Variants in AGO2 observed in about 807,000 individuals in gnomAD.
The protein encoded by AGO2 is argonaute RISC catalytic component 2, also known as protein argonaute-2.
In AGO2, 5 loss-of-function variants were observed where a neutral mutation model predicts 102.3. The observed-to-expected ratio is 0.05, with a 90% CI of 0.03 to 0.10. The LOEUF (loss-of-function observed/expected upper bound fraction) is 0.10, where lower values mean the gene tolerates loss of function less well. AGO2 is among the 10% of genes least tolerant of loss of function. AGO2 has a pLI of 1.00. For synonymous variants in AGO2, 449 were observed against 473.1 expected (o/e 0.95, Z 0.66); for missense variants, 541 against 1,183.7 (o/e 0.46, Z 7.97).
chr8:140,635,980 G>A (rs1054382897), upstream of AGO2, among the ~76,000 whole-genome samples: 12 of 150,328 alleles, frequency 8.0e-5, no homozygotes, highest in African/African-American at 2.9e-4. Flanking sequence ...GAGAAGCCGC[G>A]TCTTCCCGAC....
In AGO2 at chr8:140,597,329, G is replaced by GCGCAT. The variant is rs566287751; in HGVS notation, c.23-12019_23-12018insATGCG. 1.8e-4 allele frequency among the ~76,000 whole-genome samples: 27 copies of GCGCAT among 152,364 alleles called. No individual in the cohort carries two copies. The East Asian group carries it at 5.2e-3, about 29-fold the overall frequency. On this transcript the variant is annotated intron_variant, in intron 1 of 18. Transcript: ENST00000220592. The stretch of plus-strand genomic sequence containing the variant: ...TCCCAGCCTCTCCAGTGCCAACGCA[G>GCGCAT]CGCAGCACGGATGCAGGGCAGCGTG...
chr8:140,586,729 G>A (rs948462497), intron 1 of AGO2, among the ~76,000 whole-genome samples: 4 of 152,168 alleles, frequency 2.6e-5, no homozygotes, highest in Non-Finnish European at 5.9e-5. Flanking sequence ...TTCTCTCTAC[G>A]CCACACCGGA....
At chr8:140,595,938 AAT>A (rs1564107074) in intron 1 of AGO2, among the ~76,000 whole-genome samples, 2 of 72,000 alleles carry the variant, frequency 2.8e-5, no homozygotes, top group Admixed American at 2.3e-4. Flanking sequence ...TAAATTATAT[AAT>A]ATATATTTTA....
chr8:140,596,252 T>C (rs1246065099), intron 1 of AGO2, among the ~76,000 whole-genome samples: 2 of 152,126 alleles, frequency 1.3e-5, no homozygotes, highest in African/African-American at 4.8e-5. Context: ...ATTGGATACA[T>C]CATTCTATTT....
chr8:140,610,502 G>A (rs1044267487), intron 1 of AGO2, among the ~76,000 whole-genome samples: 1 of 152,108 alleles, frequency 6.6e-6, no homozygotes, highest in African/African-American at 2.4e-5. Flanking sequence ...TACAGGCGTG[G>A]GCCACCGTGC....
chr8:140,580,746 T>C (rs2073544569), intron 2 of AGO2, among the ~76,000 whole-genome samples: 1 of 152,220 alleles, frequency 6.6e-6, no homozygotes, highest in South Asian at 2.1e-4. Flanking sequence ...CACAAACATT[T>C]TACTTCTGAC....
intron 1 of AGO2, among the ~76,000 whole-genome samples, chr8:140,601,020 C>T (rs2073925466): frequency 6.6e-6 from 1 of 152,232 alleles, no homozygotes; most frequent in Non-Finnish European, 1.5e-5. Context: ...TCATCTTCTC[C>T]CAGCTGGATC....
At chr8:140,626,025 C>T (rs2074272389) in intron 1 of AGO2, among the ~76,000 whole-genome samples, 1 of 152,264 alleles carries the variant, frequency 6.6e-6, no homozygotes, top group Non-Finnish European at 1.5e-5. Context: ...CCCCCTGCCC[C>T]AGTCACCAAT....
intron 2 of AGO2, among the ~76,000 whole-genome samples, chr8:140,573,344 T>C (rs1266426669): frequency 6.7e-6 from 1 of 150,346 alleles, no homozygotes; most frequent in Admixed American, 6.6e-5. Context: ...TAATTTTTTG[T>C]ATTTTTTTTT....
At chr8:140,601,375 T>C (rs1429035573) in intron 1 of AGO2, among the ~76,000 whole-genome samples, 1 of 152,158 alleles carries the variant, frequency 6.6e-6, no homozygotes, top group African/African-American at 2.4e-5. Flanking sequence ...CCCCCGCCGC[T>C]GTGCTCGCCT....
chr8:140,636,352 T>G (rs2074409054), upstream of AGO2: 1 of 152,270 alleles, frequency 6.6e-6, no homozygotes, highest in Non-Finnish European at 1.5e-5. Context: ...GTCAGGGGCC[T>G]GCTCGGACCG....
chr8:140,547,422 C>T (rs373415014), intron 13 of AGO2, 46 bp downstream of exon 13: 2 of 1,597,168 alleles, frequency 1.3e-6, no homozygotes, highest in Non-Finnish European at 8.5e-7. Context: ...CCAAGCGTCC[C>T]ACTGTGCCCT....
In AGO2 at chr8:140,539,326, G is replaced by A. The variant is rs778030800; in HGVS notation, c.2163C>T (p.Asn721=). 31 of 1,608,704 alleles carry A rather than the reference G, an allele frequency of 1.9e-5. No individual in the cohort carries two copies. The highest frequency in any genetic ancestry group is 2.2e-5 in the South Asian group (2 of 90,510). ...HHTRLFCTDK[N]ERVGKSGNIP... is the part of the protein sequence containing the mutation. ...GAGTCATGCAGAAACTCACCCGCTCGTTCTTGTCAGTGCAGAAGAGCCGGG... is the reference window on the plus strand; with the variant it reads ...GAGTCATGCAGAAACTCACCCGCTCATTCTTGTCAGTGCAGAAGAGCCGGG... The change falls in exon 16 of 19, where the codon AAC becomes AAT. Residue 721 remains asparagine, a synonymous_variant. Coordinates refer to ENST00000220592, the MANE Select transcript of AGO2 (RefSeq NM_012154.5). This position sits in a 1 kb window ranked among gnomAD's most constrained non-coding sequence, Gnocchi z 4.7.
intron 2 of AGO2, among the ~76,000 whole-genome samples, chr8:140,576,903 G>T (rs932740937): frequency 6.6e-6 from 1 of 152,080 alleles, no homozygotes; most frequent in African/African-American, 2.4e-5. Flanking sequence ...AACACGACGG[G>T]TGTCTTAGAA....
At chr8:140,591,031 G>A (rs2073739494) in intron 1 of AGO2, among the ~76,000 whole-genome samples, 1 of 152,214 alleles carries the variant, frequency 6.6e-6, no homozygotes, top group Non-Finnish European at 1.5e-5. Flanking sequence ...TGGGCCCATG[G>A]GAAGGCTGGG....
intron 3 of AGO2, among the ~76,000 whole-genome samples, chr8:140,563,863 T>C (rs1312173548): frequency 1.3e-5 from 2 of 152,148 alleles, no homozygotes; most frequent in Non-Finnish European, 2.9e-5. Flanking sequence ...CCAGCTCCCA[T>C]CTGCTCATCC....
intron 3 of AGO2, among the ~76,000 whole-genome samples, chr8:140,566,120 C>G (rs2073280122): frequency 6.6e-6 from 1 of 152,090 alleles, no homozygotes; most frequent in South Asian, 2.1e-4. Context: ...ACCCAAATCT[C>G]ACTTGAATTG....
chr8:140,632,966 G>A (rs1330683028), intron 1 of AGO2, among the ~76,000 whole-genome samples: 1 of 150,974 alleles, frequency 6.6e-6, no homozygotes, highest in African/African-American at 2.4e-5. Context: ...AGGCTGGAGT[G>A]CAGTGGCGCA....
intron 1 of AGO2, among the ~76,000 whole-genome samples, chr8:140,595,456 CTTATT>C (rs1473544809): frequency 6.6e-6 from 1 of 151,016 alleles, no homozygotes; most frequent in African/African-American, 2.4e-5. Flanking sequence ...CGTTTTATAT[CTTATT>C]TTATTTATTA....
Sources: gnomAD v4.1 joint callset for allele counts (sites outside exome capture counted in the v4.1 genomes callset) on GRCh38, gnomAD v4.1.1 for gene constraint, Gnocchi (gnomAD v3.1) non-coding constraint, MANE v1.5 for transcripts, NCBI Gene and HGNC (gene_info 2026-07-23, HGNC 2026-07-21) for gene names.